The following NBR1 variants were observed in gnomAD, a reference collection of about 807,000 sequenced individuals.
NBR1 encodes next to BRCA1 gene 1 protein.
Under a neutral mutation model 115.5 loss-of-function variants are expected in NBR1, and 59 were observed. The ratio of observed to expected loss-of-function variants is 0.51; its 90% confidence interval spans 0.41 to 0.63. The LOEUF (loss-of-function observed/expected upper bound fraction) is 0.63. Ranked by LOEUF, NBR1 falls within the 30% of genes least tolerant of loss-of-function variation. NBR1 has a pLI of 0.00. For missense variants in NBR1, 1,043 were observed against 1,150.5 expected (o/e 0.91, Z 1.35); for synonymous variants, 373 against 414.7 (o/e 0.90, Z 1.22).
intron 20 of NBR1, among the ~76,000 whole-genome samples, chr17:43,206,992 G>C (rs755138381): frequency 1.3e-5 from 2 of 152,076 alleles, no homozygotes; most frequent in African/African-American, 2.4e-5. Flanking sequence ...TTGAGCCCCA[G>C]AGGCAGAGGC....
In NBR1 at chr17:43,194,925, C is replaced by G. The variant is rs1347655068; in HGVS notation, c.1675-39C>G. 3.9e-6 allele frequency: 6 copies of G among 1,520,004 alleles called. No homozygotes were observed. In the South Asian group the frequency reaches 5.7e-5, roughly 14 times the overall value. 94.2% of individuals were successfully genotyped at this position (1,520,004 alleles called of 1,614,324 possible). Reference sequence around the variant, plus strand: ...AGGTCCCATCAAGACATGGCTCCAGCATGCACTCCAAACAGCCTAACATTG... The same window carrying G: ...AGGTCCCATCAAGACATGGCTCCAGGATGCACTCCAAACAGCCTAACATTG... On this transcript the variant is annotated intron_variant, in intron 13 of 20. Transcript: ENST00000590996.
chr17:43,193,004 G>C, intron 10 of NBR1, 90 bp from the exon 11 acceptor site: 1 of 1,308,620 alleles, frequency 7.6e-7, no homozygotes, highest in Non-Finnish European at 1.1e-6. Context: ...ACATTTTCAA[G>C]AGTCACAGTC....
At chr17:43,197,443 C>T (rs573741047) in intron 16 of NBR1, among the ~76,000 whole-genome samples, 191 of 151,368 alleles carry the variant, frequency 1.3e-3, no homozygotes, top group African/African-American at 4.5e-3. Context: ...GGCATGAACC[C>T]GGGAGGCGGA....
Position 43,191,235 on chromosome 17 carries a change from C to T in NBR1, c.864-137C>T, listed in dbSNP as rs2056936878. The T allele has an allele frequency of 6.0e-6, 4 of 663,846 alleles. No homozygotes were observed. In the South Asian group the frequency reaches 7.9e-5, roughly 13 times the overall value. 41.1% of individuals were successfully genotyped at this position (663,846 alleles called of 1,614,324 possible). ...GACCACTGTACTCCAGCCTACATGA[C>T]AGAGTGAGACCCTAATTCTAAAACA... On this transcript the variant is annotated intron_variant, in intron 9 of 20. Transcript: ENST00000590996.
rs940525569 is a variant in NBR1, at chr17:43,200,202, G to A, written c.2062G>A (p.Glu688Lys). 1.1e-5 allele frequency: 17 copies of A among 1,550,454 alleles called. No individual in the cohort carries two copies. The highest frequency in any genetic ancestry group is 3.3e-4 in the Middle Eastern group (2 of 5,984). ...CTTGCCTGAAGGACCACTTGGAAAT[G>A]AGAAGGAGGAGATTATCCATATCGC... The part of the protein sequence containing the change: ...FALPEGPLGN[E>K]KEEIIHIAEE... The change falls in exon 17 of 21, where the codon GAG (glutamate) becomes AAG (lysine). Residue 688 changes from glutamate (E) to lysine (K), a missense_variant. Coordinates refer to ENST00000590996, the MANE Select transcript of NBR1 (RefSeq NM_005899.5).
At chr17:43,180,490 A>G (rs906402517) in intron 4 of NBR1, among the ~76,000 whole-genome samples, 1 of 152,240 alleles carries the variant, frequency 6.6e-6, no homozygotes, top group Non-Finnish European at 1.5e-5. Flanking sequence ...TGGTTACTGT[A>G]GTGAAGCAAA....
At position 43,209,889 on chromosome 17, in the gene NBR1, GTC is replaced by G. The variant is rs1010220963; in HGVS notation, c.2728-8_2728-7del. Reference sequence around the variant, plus strand: ...TTTTTTTTTTTTTTTTGCTTTGCTTGTCTCTACACAGCCAATAATTTCTGAAG... The same window carrying G: ...TTTTTTTTTTTTTTTTGCTTTGCTTGTCTACACAGCCAATAATTTCTGAAG... On this transcript the variant is annotated splice_polypyrimidine_tract_variant and intron_variant, in intron 20 of 20. Coordinates refer to ENST00000590996, the MANE Select transcript of NBR1 (RefSeq NM_005899.5). The G allele has an allele frequency of 7.5e-7, 1 of 1,336,804 alleles. No homozygotes were observed. The highest frequency in any genetic ancestry group is 1.9e-5 in the African/African-American group (1 of 51,650). The allele number at this position is 1,336,804 out of a possible 1,614,324, so 82.8% of individuals were successfully genotyped here.
rs2056503577 is a variant in NBR1, at chr17:43,175,890, AT to A, written c.92del (p.Ile31ThrfsTer5). ...TCCAGAAAATACAACTTGGGCTGAT[AT>A]CGAAGCTATGGTGAGTGTTACTTTA... is the stretch of plus-strand genomic sequence containing the variant. Reference protein sequence around the residue: ...SDPENTTWADIEAMVKVSFDL... With the variant: ...SDPENTTWADXEAMVKVSFDL... On this transcript the variant is annotated frameshift_variant, in exon 2 of 21. Coordinates refer to ENST00000590996, the MANE Select transcript of NBR1 (RefSeq NM_005899.5). LOFTEE classifies it high-confidence loss of function. 1 of 1,581,358 alleles carries A rather than the reference AT, an allele frequency of 6.3e-7. No homozygotes were observed. The highest frequency in any genetic ancestry group is 1.3e-5 in the African/African-American group (1 of 74,306).
chr17:43,195,182 G>A (rs752419766), intron 14 of NBR1, 143 bp downstream of exon 14: 255 of 692,680 alleles, frequency 3.7e-4, no homozygotes, highest in Non-Finnish European at 1.7e-4. Context: ...TCATGGATCC[G>A]TTTTTCTTCT....
chr17:43,177,590 CACA>C (rs1247146900), intron 2 of NBR1, among the ~76,000 whole-genome samples: 94 of 150,654 alleles, frequency 6.2e-4, no homozygotes, highest in Non-Finnish European at 1.1e-3. Context: ...CACACACACA[CACA>C]CACACACACA....
chr17:43,181,760 G>A (rs992673293), intron 5 of NBR1, among the ~76,000 whole-genome samples: 2 of 152,120 alleles, frequency 1.3e-5, no homozygotes, highest in African/African-American at 2.4e-5. Context: ...TGAGGCAGGC[G>A]GATCACCCAA....
chr17:43,193,070 C>CT, intron 10 of NBR1, 24 bp from the exon 11 acceptor site: 1 of 1,610,072 alleles, frequency 6.2e-7, no homozygotes, highest in Admixed American at 1.7e-5. Flanking sequence ...CAGCAAGTGA[C>CT]TAAGCATCTG....
Position 43,190,705 on chromosome 17 carries a change from G to A in NBR1, c.792G>A (p.Val264=), listed in dbSNP as rs2056923720. ...TGCTGAAGTTGCGGAGACCTGTTGTGGGCTCCTCTGAACCGTTCTGTCACT... is the reference window on the plus strand; with the variant it reads ...TGCTGAAGTTGCGGAGACCTGTTGTAGGCTCCTCTGAACCGTTCTGTCACT... ...HVLLKLRRPV[V]GSSEPFCHSK... is the part of the protein sequence containing the mutation. The change falls in exon 9 of 21, where the codon GTG becomes GTA. Residue 264 remains valine, a synonymous_variant. Coordinates refer to ENST00000590996, the MANE Select transcript of NBR1 (RefSeq NM_005899.5). The A allele has an allele frequency of 2.5e-6, 4 of 1,613,938 alleles. No individual in the cohort carries two copies. In the East Asian group the frequency reaches 8.9e-5, roughly 36 times the overall value.
intron 20 of NBR1, among the ~76,000 whole-genome samples, chr17:43,204,113 AT>A (rs1200375815): frequency 1.3e-5 from 2 of 151,440 alleles, no homozygotes; most frequent in African/African-American, 4.9e-5. Flanking sequence ...AATTTTTTGT[AT>A]TTTTTAGTAG....
rs144708665 is a variant in NBR1 at position 43,201,816 on chromosome 17, G to T, written c.2563+36G>T. ...GCCTAAGCTTTTTCTCTTTTTCTCTGCTCCTGTCTAATGGAAACCAGGTAT... is the reference window on the plus strand; with the variant it reads ...GCCTAAGCTTTTTCTCTTTTTCTCTTCTCCTGTCTAATGGAAACCAGGTAT... On this transcript the variant is annotated intron_variant, in intron 18 of 20. Coordinates refer to ENST00000590996, the MANE Select transcript of NBR1 (RefSeq NM_005899.5). 1.9e-4 allele frequency: 235 copies of T among 1,208,772 alleles called. 1 individual carries two copies. The African/African-American group carries it at 3.0e-3, about 15-fold the overall frequency. 74.9% of individuals were successfully genotyped at this position (1,208,772 alleles called of 1,614,324 possible). A position where few individuals can be genotyped will look rare whatever the true frequency, so the allele number is the denominator to read the frequency against.
chr17:43,189,887 T>G, intron 8 of NBR1, 85 bp downstream of exon 8: 1 of 1,147,826 alleles, frequency 8.7e-7, no homozygotes, highest in East Asian at 2.4e-5. Context: ...AAAGGGAAAT[T>G]AATTGTACCC....
In NBR1 at chr17:43,196,977, A is replaced by G. The variant is rs747274448; in HGVS notation, c.1897A>G (p.Ile633Val). The change falls in exon 16 of 21, where the codon ATT (isoleucine) becomes GTT (valine). Residue 633 changes from isoleucine (I) to valine (V), a missense_variant. Physicochemically the swap from Ile to Val is conservative, Grantham distance 29. Coordinates refer to ENST00000590996, the MANE Select transcript of NBR1 (RefSeq NM_005899.5). ...GTCAGTAAAGAGGAAGGCTGAGAAC[A>G]TTGCTTCTGTGGAGGAAGCAGAAGA... ...MVSVKRKAEN[I>V]ASVEEAEEDL... The G allele has an allele frequency of 4.3e-6, 7 of 1,613,930 alleles. No individual in the cohort carries two copies. The highest frequency in any genetic ancestry group is 5.9e-6 in the Non-Finnish European group (7 of 1,179,904).
At chr17:43,206,193 AAAAG>A (rs1329351890) in intron 20 of NBR1, among the ~76,000 whole-genome samples, 3 of 151,790 alleles carry the variant, frequency 2.0e-5, no homozygotes, top group Non-Finnish European at 4.4e-5. Flanking sequence ...AAAAAAAAGA[AAAAG>A]AAAAACAGAC....
At position 43,180,323 on chromosome 17, in the gene NBR1, G is replaced by A. The variant is rs149677084; in HGVS notation, c.185-472G>A. ...GTATAACCTATTGCTTATAGGCTGC[G>A]AACCTGTAGAGCATGTTACTGTGCT... On this transcript the variant is annotated intron_variant, in intron 4 of 20. Coordinates refer to ENST00000590996, the MANE Select transcript of NBR1 (RefSeq NM_005899.5). 4.2e-3 allele frequency among the ~76,000 whole-genome samples: 637 copies of A among 152,204 alleles called. 5 individuals are homozygous for A. The highest frequency in any genetic ancestry group is 0.015 in the African/African-American group (614 of 41,522).
Sources: allele counts gnomAD v4.1 joint callset (sites outside exome capture counted in the v4.1 genomes callset), GRCh38; gene constraint gnomAD v4.1.1; transcripts MANE v1.5; gene names NCBI Gene and HGNC (gene_info 2026-07-23, HGNC 2026-07-21).